The following LIPA variants were observed in gnomAD, a reference collection of about 807,000 sequenced individuals.
The protein encoded by LIPA is lysosomal acid lipase/cholesteryl ester hydrolase.
A neutral mutation model predicts 40.6 loss-of-function variants in LIPA; 26 were observed. The observed-to-expected ratio is 0.64, with a 90% confidence interval of 0.47 to 0.89. The LOEUF (loss-of-function observed/expected upper bound fraction) is 0.89, where lower values mean the gene tolerates loss of function less well. Among genes scored for constraint, LIPA ranks in the 40% least tolerant of loss-of-function variants. The pLI is 0.00. For synonymous variants in LIPA, 188 were observed against 168.4 expected (o/e 1.12, Z -0.90); for missense variants, 455 against 479.6 (o/e 0.95, Z 0.48).
chr10:89,413,305 C>A (rs747225023), intron 1 of LIPA, among the ~76,000 whole-genome samples: 8 of 152,096 alleles, frequency 5.3e-5, no homozygotes, highest in Non-Finnish European at 1.2e-4. Flanking sequence ...CCACAGGTGA[C>A]CAGCAGTTTC....
chr10:89,332,622 C>G (rs1448963205), intron 1 of LIPA: 1 of 1,614,086 alleles, frequency 6.2e-7, no homozygotes, highest in Admixed American at 1.7e-5. Flanking sequence ...AAACAGCCAT[C>G]ATGAGGTAAA....
intron 2 of LIPA, chr10:89,385,252 T>C (rs1240728637): frequency 6.5e-6 from 1 of 153,356 alleles, no homozygotes; most frequent in Non-Finnish European, 1.5e-5. Context: ...TCTTTCCCAA[T>C]TGCTGCCTTC....
At position 89,328,412 on chromosome 10, in the gene LIPA, A is replaced by T. The variant is rs2133538121; in HGVS notation, c.-2+14199T>A. On this transcript the variant is annotated intron_variant, in intron 1 of 5. Transcript: ENST00000282673. ...CAGGAGCGGTGTATTTCACTCAGCC[A>T]CAAACTTGGCTGATTCAAGGGTAGA... Among the ~76,000 whole-genome samples, 4 of 152,346 alleles carry T rather than the reference A, an allele frequency of 2.6e-5. No individual in the cohort carries two copies. The South Asian group carries it at 8.3e-4, about 32-fold the overall frequency.
At chr10:89,324,239 C>G (rs1339797456) in intron 1 of LIPA, among the ~76,000 whole-genome samples, 4 of 152,182 alleles carry the variant, frequency 2.6e-5, no homozygotes, top group African/African-American at 9.7e-5. Context: ...CTACAGCCAT[C>G]TGATCTTCAA....
At chr10:89,299,981 C>T (rs1189481935) in intron 1 of LIPA, among the ~76,000 whole-genome samples, 2 of 152,174 alleles carry the variant, frequency 1.3e-5, no homozygotes, top group Non-Finnish European at 2.9e-5. Flanking sequence ...GTTCATCACA[C>T]CACTATTCAT....
At chr10:89,293,679 T>TGAGAGAGAGAGAGAGAGAGAGA (rs72229492) in intron 1 of LIPA, 6 of 145,104 alleles carry the variant, frequency 4.1e-5, no homozygotes, top group African/African-American at 1.0e-4. Context: ...CTGTGTGAGA[T>TGAGAGAGAGAGAGAGAGAGAGA]GAGAGAGAGA....
At chr10:89,307,646 G>T (rs553618007) in intron 1 of LIPA, 55 of 329,934 alleles carry the variant, frequency 1.7e-4, no homozygotes, top group African/African-American at 1.1e-3. Flanking sequence ...AATTTGAACT[G>T]TAACATTTGC....
intron 1 of LIPA, among the ~76,000 whole-genome samples, chr10:89,289,155 C>G (rs182609588): frequency 9.8e-4 from 150 of 152,382 alleles, no homozygotes; most frequent in African/African-American, 3.3e-3. Flanking sequence ...TTCCACCTAT[C>G]AATCTCTTCC....
At chr10:89,414,482 C>A (rs1053014513) in exon 1 of LIPA, 2 of 359,004 alleles carry the variant, frequency 5.6e-6, no homozygotes, top group South Asian at 7.8e-5. Flanking sequence ...ACCCTGGACT[C>A]CGCAAACGTC....
chr10:89,338,943 T>C (rs1843796320), intron 1 of LIPA: 26 of 1,614,012 alleles, frequency 1.6e-5, no homozygotes, highest in Non-Finnish European at 2.2e-5. Context: ...GTCTAGTCAC[T>C]TGGGGAAACT....
At position 89,301,622 on chromosome 10, in the gene LIPA, G is replaced by A. The variant is rs550522406; in HGVS notation, c.-2+40989C>T. On this transcript the variant is annotated intron_variant, in intron 1 of 5. Transcript: ENST00000282673. ...GCCCTTGTGCAAATCTGAGATGAAGGACTACATTAAAAGTAAAATTCACCT... is the reference window on the plus strand; with the variant it reads ...GCCCTTGTGCAAATCTGAGATGAAGAACTACATTAAAAGTAAAATTCACCT... Among the ~76,000 whole-genome samples, 86 of 152,276 alleles carry A rather than the reference G, an allele frequency of 5.6e-4. 1 individual carries two copies. Among genetic ancestry groups the A allele is most frequent in the African/African-American group, 2.0e-3 (84 of 41,566 alleles).
At chr10:89,277,412 G>C (rs1465427779) in intron 1 of LIPA, among the ~76,000 whole-genome samples, 1 of 152,194 alleles carries the variant, frequency 6.6e-6, no homozygotes, top group Non-Finnish European at 1.5e-5. Flanking sequence ...ACCTAAGAGG[G>C]TTACTGGCAC....
chr10:89,237,362 C>T (rs1264933713), intron 3 of LIPA, among the ~76,000 whole-genome samples: 1 of 152,042 alleles, frequency 6.6e-6, no homozygotes, highest in African/African-American at 2.4e-5. Context: ...AGAAGCAGCT[C>T]CTGCCAACCA....
intron 1 of LIPA, chr10:89,292,305 T>A (rs1488930053): frequency 1.3e-5 from 2 of 152,210 alleles, no homozygotes; most frequent in East Asian, 1.9e-4. Flanking sequence ...GATCCCTTTG[T>A]ACAGAGGCAC....
intron 1 of LIPA, among the ~76,000 whole-genome samples, chr10:89,269,861 A>G (rs917837786): frequency 6.6e-6 from 1 of 152,222 alleles, no homozygotes; most frequent in Non-Finnish European, 1.5e-5. Flanking sequence ...ACAGATTTGT[A>G]GGTAGCAACC....
chr10:89,387,241 A>G (rs1447564232), intron 2 of LIPA, among the ~76,000 whole-genome samples: 2 of 150,022 alleles, frequency 1.3e-5, no homozygotes, highest in Admixed American at 6.7e-5. Context: ...GCGTGAACCC[A>G]GGAGGTGGAG....
At chr10:89,401,949 T>C (rs916184072) in intron 2 of LIPA, among the ~76,000 whole-genome samples, 1 of 152,210 alleles carries the variant, frequency 6.6e-6, no homozygotes, top group Admixed American at 6.5e-5. Flanking sequence ...GAAACTCTTA[T>C]ATAGCATATA....
chr10:89,384,176 A>G, intron 2 of LIPA: 2 of 1,614,244 alleles, frequency 1.2e-6, no homozygotes, highest in Non-Finnish European at 8.5e-7. Flanking sequence ...GCCTTCCTGC[A>G]TCACCAAATG....
At chr10:89,292,716 T>C (rs1843381429) in intron 1 of LIPA, among the ~76,000 whole-genome samples, 1 of 152,150 alleles carries the variant, frequency 6.6e-6, no homozygotes, top group Admixed American at 6.6e-5. Flanking sequence ...TGGAGTACAA[T>C]GGTGCAATCT....
Sources: gnomAD v4.1 joint callset for allele counts (sites outside exome capture counted in the v4.1 genomes callset) on GRCh38, gnomAD v4.1.1 for gene constraint, MANE v1.5 for transcripts, NCBI Gene and HGNC (gene_info 2026-07-23, HGNC 2026-07-21) for gene names.